CDKL2: variants seen among roughly 807,000 people sequenced by gnomAD.
CDKL2 encodes the protein cyclin dependent kinase like 2.
In CDKL2, 64 loss-of-function variants were observed where a neutral mutation model predicts 63.9. The ratio of observed to expected loss-of-function variants is 1.00; its 90% CI spans 0.82 to 1.23. CDKL2 has a LOEUF of 1.23. Ranked by LOEUF, CDKL2 falls within the 50% of genes most tolerant of loss-of-function variation. CDKL2 has a pLI of 0.00. For missense variants in CDKL2, 656 were observed against 668.0 expected (o/e 0.98, Z 0.20); for synonymous variants, 211 against 229.2 (o/e 0.92, Z 0.72).
chr4:75,625,239 T>C (rs1001538322), intron 2 of CDKL2, among the ~76,000 whole-genome samples: 3 of 152,156 alleles, frequency 2.0e-5, no homozygotes, highest in Non-Finnish European at 4.4e-5. Context: ...TAAATTCTTA[T>C]ATGGTGTATA....
chr4:75,589,061 A>G (rs975634063), intron 12 of CDKL2, among the ~76,000 whole-genome samples: 2 of 152,226 alleles, frequency 1.3e-5, no homozygotes, highest in Non-Finnish European at 2.9e-5. Context: ...ATATTTCATC[A>G]AAGAAGATAT....
Position 75,576,573 on chromosome 4 carries a change from A to AAAC in CDKL2, c.*2626_*2628dup. ...CTAGTGCAAAAACACTTAATGCAAA[A>AAAC]AACAACAGAGAAAAATCCATTCAGT... On this transcript the variant is annotated 3_prime_UTR_variant, in exon 14 of 14. Coordinates refer to ENST00000307465, the MANE Select transcript of CDKL2 (RefSeq NM_001330724.2). Among the ~76,000 whole-genome samples the AAAC allele has an allele frequency of 6.6e-6, 1 of 152,326 alleles. No homozygotes were observed. Among genetic ancestry groups the AAAC allele is most frequent in the East Asian group, 1.9e-4 (1 of 5,188 alleles).
chr4:75,597,489 C>T (rs781525451), intron 8 of CDKL2, among the ~76,000 whole-genome samples: 11 of 152,098 alleles, frequency 7.2e-5, no homozygotes, highest in Non-Finnish European at 1.3e-4. Context: ...CATACACACA[C>T]ATCAGTGGAA....
intron 13 of CDKL2, among the ~76,000 whole-genome samples, chr4:75,580,752 G>C (rs1190174691): frequency 6.8e-6 from 1 of 146,208 alleles, no homozygotes; most frequent in African/African-American, 2.5e-5. Context: ...CCAGGCTGGA[G>C]TGCAGTGGCG....
Position 75,605,675 on chromosome 4 carries a change from T to A in CDKL2, c.543-41A>T, listed in dbSNP as rs758812847. The A allele has an allele frequency of 4.4e-6, 6 of 1,354,394 alleles. No individual in the cohort carries two copies. The South Asian group carries it at 5.9e-5, about 13-fold the overall frequency. The allele number at this position is 1,354,394 out of a possible 1,614,324, so 83.9% of individuals were successfully genotyped here. On this transcript the variant is annotated intron_variant, in intron 4 of 13. Transcript: ENST00000307465. ...TGTGGTGTAAAATCTGGCATCCTAA[T>A]ATGCTCCAAAACCCAAAGCTTTTTG...
chr4:75,614,629 G>T (rs1053052604), intron 2 of CDKL2, among the ~76,000 whole-genome samples, 180 bp from the exon 3 acceptor site: 1 of 151,998 alleles, frequency 6.6e-6, no homozygotes, highest in Non-Finnish European at 1.5e-5. Flanking sequence ...AACTACAATT[G>T]AGAGACTATA....
chr4:75,580,741 C>T (rs1248162042), intron 13 of CDKL2, among the ~76,000 whole-genome samples: 1 of 146,824 alleles, frequency 6.8e-6, no homozygotes, highest in Admixed American at 6.7e-5. Flanking sequence ...CGCTCTGTCG[C>T]CCAGGCTGGA....
intron 2 of CDKL2, among the ~76,000 whole-genome samples, chr4:75,618,280 T>C (rs1323000573): frequency 1.1e-3 from 153 of 133,310 alleles, no homozygotes; most frequent in African/African-American, 4.0e-3. Flanking sequence ...AGACGGAGTT[T>C]CGCTCTTGTT....
At chr4:75,622,587 G>A (rs769449584) in intron 2 of CDKL2, among the ~76,000 whole-genome samples, 7 of 151,260 alleles carry the variant, frequency 4.6e-5, no homozygotes, top group East Asian at 1.9e-4. Flanking sequence ...GTGTGGTGGC[G>A]GGCACCTGTA....
rs188704685 is a variant in CDKL2, at chr4:75,603,911, A to G, written c.701T>C (p.Val234Ala). 4.3e-6 allele frequency: 7 copies of G among 1,613,548 alleles called. No homozygotes were observed. Among genetic ancestry groups the G allele is most frequent in the Admixed American group, 1.7e-5 (1 of 59,864 alleles). Residue 234 changes from valine to alanine, a missense_variant, in exon 6 of 14, where the codon GTG becomes GCG. Transcript: ENST00000307465. ...RHQELFNKNP[V>A]FAGVRLPEIK... ...TTCAGGCAACCTTACTCCAGCAAAC[A>G]CAGGATTTTTATTAAAAAGCTCCTG...
Position 75,581,917 on chromosome 4 carries a change from G to T in CDKL2, c.1648-19C>A. On this transcript the variant is annotated intron_variant, in intron 12 of 13. Coordinates refer to ENST00000307465, the MANE Select transcript of CDKL2 (RefSeq NM_001330724.2). Reference sequence around the variant, plus strand: ...CTGATACCTATAAATTAATAATAGAGCATCATAGGTTCTCAGTAATTGCAA... The same window carrying T: ...CTGATACCTATAAATTAATAATAGATCATCATAGGTTCTCAGTAATTGCAA... 1.3e-6 allele frequency: 2 copies of T among 1,556,160 alleles called. No homozygotes were observed. Among genetic ancestry groups the T allele is most frequent in the Non-Finnish European group, 1.8e-6 (2 of 1,129,008 alleles).
chr4:75,600,885 A>G (rs1317090135), intron 6 of CDKL2, among the ~76,000 whole-genome samples: 1 of 152,224 alleles, frequency 6.6e-6, no homozygotes, highest in Non-Finnish European at 1.5e-5. Flanking sequence ...ATGGAAATAC[A>G]CAAACCTCCT....
At chr4:75,607,508 T>C (rs983621673) in intron 3 of CDKL2, 147 bp from the exon 4 acceptor site, 1 of 520,168 alleles carries the variant, frequency 1.9e-6, no homozygotes. Context: ...ACCTAGGACC[T>C]AGTTGGGCAA....
chr4:75,583,703 A>G (rs1369432494), intron 12 of CDKL2, among the ~76,000 whole-genome samples: 3 of 152,170 alleles, frequency 2.0e-5, no homozygotes, highest in Non-Finnish European at 4.4e-5. Context: ...CTCAAAACCA[A>G]CGTCTTTCCT....
At chr4:75,627,731 C>CTCTT in intron 1 of CDKL2, among the ~76,000 whole-genome samples, 2 of 86,004 alleles carry the variant, frequency 2.3e-5, no homozygotes, top group Middle Eastern at 0.018. Context: ...CTTTTTTTTT[C>CTCTT]TTTTTTTTTT....
chr4:75,607,138 G>T, intron 4 of CDKL2, 45 bp downstream of exon 4: 1 of 1,463,822 alleles, frequency 6.8e-7, no homozygotes, highest in Middle Eastern at 1.8e-4. Context: ...ACTATAGCAA[G>T]AAGCAAGAGT....
At chr4:75,605,030 C>G (rs946315082) in intron 5 of CDKL2, among the ~76,000 whole-genome samples, 1 of 152,038 alleles carries the variant, frequency 6.6e-6, no homozygotes, top group Non-Finnish European at 1.5e-5. Context: ...TCAGATAGAC[C>G]AATGCCAGAC....
chr4:75,588,459 A>G (rs1728570899), intron 12 of CDKL2, among the ~76,000 whole-genome samples: 1 of 152,158 alleles, frequency 6.6e-6, no homozygotes, highest in African/African-American at 2.4e-5. Flanking sequence ...ATAGGAGTTT[A>G]GATATATATA....
At chr4:75,613,132 A>AAAAAAAT (rs1261421791) in intron 3 of CDKL2, among the ~76,000 whole-genome samples, 78 of 151,844 alleles carry the variant, frequency 5.1e-4, no homozygotes, top group African/African-American at 1.7e-3. Context: ...TTCAAAAAAA[A>AAAAAAAT]ATAGATTTTC....
Sources: gnomAD v4.1 joint callset for allele counts (sites outside exome capture counted in the v4.1 genomes callset) on GRCh38, gnomAD v4.1.1 for gene constraint, MANE v1.5 for transcripts, NCBI Gene and HGNC (gene_info 2026-07-23, HGNC 2026-07-21) for gene names.